The following FBXL2 variants were observed in gnomAD, a reference collection of about 807,000 sequenced individuals.
FBXL2 encodes F-box/LRR-repeat protein 2.
In FBXL2, 38 loss-of-function variants were observed where a neutral mutation model predicts 69.2. The observed-to-expected ratio is 0.55, with a 90% confidence interval of 0.42 to 0.72. The LOEUF (loss-of-function observed/expected upper bound fraction) is 0.72. Ranked by LOEUF, FBXL2 falls within the 30% of genes least tolerant of loss-of-function variation. The pLI is 0.00. For missense variants in FBXL2, 354 were observed against 520.3 expected (o/e 0.68, Z 3.11); for synonymous variants, 192 against 201.3 (o/e 0.95, Z 0.39).
intron 13 of FBXL2, among the ~76,000 whole-genome samples, chr3:33,380,401 A>G (rs2042962131): frequency 6.6e-6 from 1 of 151,732 alleles, no homozygotes. Flanking sequence ...TACTAAAAAT[A>G]CAAAAAATTA....
chr3:33,375,834 T>C (rs2042598139), intron 10 of FBXL2, among the ~76,000 whole-genome samples: 1 of 152,122 alleles, frequency 6.6e-6, no homozygotes, highest in African/African-American at 2.4e-5. Context: ...ACTTAGCTTC[T>C]TCCCCAGTAG....
chr3:33,416,707 C>A, the FBXL2 span: 1 of 1,347,742 alleles, frequency 7.4e-7, no homozygotes. Context: ...TAAACAAAAA[C>A]TCATTCAATC....
At chr3:33,405,947 A>T (rs1373702693), downstream of FBXL2, among the ~76,000 whole-genome samples, 27 of 152,166 alleles carry the variant, frequency 1.8e-4, no homozygotes, top group Admixed American at 1.6e-3. Context: ...CTACCCAATT[A>T]TGTATCTCCT....
chr3:33,412,842 C>A, the FBXL2 span: 13 of 1,568,694 alleles, frequency 8.3e-6, no homozygotes, highest in African/African-American at 1.5e-4. Context: ...GGAATAAGTG[C>A]GGAAAATGAG....
intron 1 of FBXL2, among the ~76,000 whole-genome samples, chr3:33,288,745 A>G (rs1381310124): frequency 6.6e-6 from 1 of 152,186 alleles, no homozygotes; most frequent in African/African-American, 2.4e-5. Context: ...GAGTCAAATC[A>G]TGTAGGACTT....
At chr3:33,349,737 C>T (rs374626642) in intron 2 of FBXL2, among the ~76,000 whole-genome samples, 3 of 152,154 alleles carry the variant, frequency 2.0e-5, no homozygotes, top group South Asian at 4.1e-4. Context: ...CTGAGCTTTT[C>T]TTTACTTTAG....
downstream of FBXL2, among the ~76,000 whole-genome samples, chr3:33,404,629 A>G (rs1433117521): frequency 6.6e-6 from 1 of 152,142 alleles, no homozygotes; most frequent in African/African-American, 2.4e-5. Context: ...CTTGGGTAAC[A>G]GAGTGAGACC....
At chr3:33,404,686 A>G (rs1175560977), downstream of FBXL2, among the ~76,000 whole-genome samples, 1 of 152,144 alleles carries the variant, frequency 6.6e-6, no homozygotes, top group African/African-American at 2.4e-5. Flanking sequence ...TCTAATGACT[A>G]AGTTTTTCTG....
downstream of FBXL2, chr3:33,388,344 A>ACAAT (rs1442005347): frequency 6.6e-6 from 1 of 152,626 alleles, no homozygotes; most frequent in South Asian, 2.1e-4. Flanking sequence ...CATTTGCAAA[A>ACAAT]CAATCAGAAA....
Position 33,280,614 on chromosome 3 carries a change from C to T in FBXL2, c.3+3099C>T, listed in dbSNP as rs142390540. Among the ~76,000 whole-genome samples, 22 of 148,156 alleles carry T rather than the reference C, an allele frequency of 1.5e-4. No homozygotes were observed. In the South Asian group the frequency reaches 2.1e-3, roughly 14 times the overall value. Reference sequence around the variant, plus strand: ...GTCCTACCTATTTGGGCAGCTGAGGCGGAAGGATCGATCCCTTGAGTCCAG... The same window carrying T: ...GTCCTACCTATTTGGGCAGCTGAGGTGGAAGGATCGATCCCTTGAGTCCAG... On this transcript the variant is annotated intron_variant, in intron 1 of 14. Coordinates refer to ENST00000484457, the MANE Select transcript of FBXL2 (RefSeq NM_012157.5).
chr3:33,323,856 G>C (rs528021124), intron 2 of FBXL2, among the ~76,000 whole-genome samples: 9 of 152,184 alleles, frequency 5.9e-5, no homozygotes, highest in East Asian at 1.9e-4. Context: ...GATATTTCTG[G>C]TTCTAGGTCC....
chr3:33,417,542 GT>G, the FBXL2 span, among the ~76,000 whole-genome samples: 3 of 151,900 alleles, frequency 2.0e-5, no homozygotes, highest in Non-Finnish European at 1.5e-5. Flanking sequence ...ACCAAATTTT[GT>G]TTATCCATTC....
the FBXL2 span, chr3:33,409,735 C>A: frequency 8.9e-7 from 1 of 1,119,612 alleles, no homozygotes; most frequent in Non-Finnish European, 1.3e-6. Flanking sequence ...ACATATTAGC[C>A]AAATTATCTA....
At chr3:33,347,260 A>G (rs980644910) in intron 2 of FBXL2, among the ~76,000 whole-genome samples, 26 of 152,190 alleles carry the variant, frequency 1.7e-4, no homozygotes, top group Non-Finnish European at 3.4e-4. Context: ...ACTTGACATA[A>G]TGACCCCCAG....
intron 2 of FBXL2, among the ~76,000 whole-genome samples, chr3:33,339,767 T>A (rs1246237667): frequency 6.6e-6 from 1 of 152,194 alleles, no homozygotes; most frequent in African/African-American, 2.4e-5. Flanking sequence ...AGTCTAACAG[T>A]TTCTTCCTAG....
chr3:33,279,333 C>T lies in FBXL2; in HGVS notation c.3+1818C>T, dbSNP rs1042513262. ...TCGCCCAGGCTGGAGTGCAGTGGTG[C>T]GATCTCGGCTCACTGCAAGCTCCGC... On this transcript the variant is annotated intron_variant, in intron 1 of 14. Coordinates refer to ENST00000484457, the MANE Select transcript of FBXL2 (RefSeq NM_012157.5). Among the ~76,000 whole-genome samples, 6 of 151,298 alleles carry T rather than the reference C, an allele frequency of 4.0e-5. No homozygotes were observed. In the East Asian group the frequency reaches 7.8e-4, roughly 20 times the overall value.
At position 33,403,100 on chromosome 3, in the gene FBXL2, A is replaced by G. The variant is rs1217894921; in HGVS notation, n.1215-134A>G. On this transcript the variant is annotated intron_variant and non_coding_transcript_variant, in intron 12 of 12. Coordinates refer to the FBXL2 transcript ENST00000463736. The stretch of plus-strand genomic sequence containing the variant: ...AGTTTTACCTGCTGTGTGCGTCTAG[A>G]CACTGATTAATCTTAGAGAAGACCT... The G allele has an allele frequency of 5.6e-6, 3 of 533,614 alleles. No individual in the cohort carries two copies. The African/African-American group carries it at 5.8e-5, about 10-fold the overall frequency. The allele number at this position is 533,614 out of a possible 1,614,324, so 33.1% of individuals were successfully genotyped here.
intron 1 of FBXL2, among the ~76,000 whole-genome samples, chr3:33,291,834 A>G (rs530052317): frequency 6.6e-6 from 1 of 152,346 alleles, no homozygotes; most frequent in South Asian, 2.1e-4. Flanking sequence ...CCATGTCAGT[A>G]ATTACATTAA....
intron 5 of FBXL2, 69 bp downstream of exon 5, chr3:33,364,788 C>A: frequency 1.6e-6 from 2 of 1,229,486 alleles, no homozygotes; most frequent in South Asian, 1.2e-5. Context: ...ATAAACCAAG[C>A]CTATTACATG....
Sources: allele counts gnomAD v4.1 joint callset (sites outside exome capture counted in the v4.1 genomes callset), GRCh38; gene constraint gnomAD v4.1.1; transcripts MANE v1.5; gene names NCBI Gene and HGNC (gene_info 2026-07-23, HGNC 2026-07-21).